AFG1L: variants seen among roughly 807,000 people sequenced by gnomAD.
AFG1L encodes the protein AFG1-like ATPase.
AFG1L carries 53 observed loss-of-function variants against 62.2 expected under a neutral mutation model. That is an observed-to-expected ratio of 0.85 (90% confidence interval 0.68 to 1.07). The LOEUF (loss-of-function observed/expected upper bound fraction) is 1.07, where lower values mean the gene tolerates loss of function less well. Ranked by LOEUF, AFG1L falls within the 50% of genes least tolerant of loss-of-function variation. The pLI, the probability that AFG1L is intolerant of heterozygous loss-of-function variation, is 0.00. For missense variants in AFG1L, 555 were observed against 590.5 expected, an observed-to-expected ratio of 0.94 and a Z score of 0.62; for synonymous variants, 228 against 210.3, an observed-to-expected ratio of 1.08 and a Z score of -0.73.
chr6:108,325,720 A>C (rs1291061647), intron 2 of AFG1L, among the ~76,000 whole-genome samples: 1 of 152,084 alleles, frequency 6.6e-6, no homozygotes, highest in Non-Finnish European at 1.5e-5. Context: ...TCCTGACCTC[A>C]GGTGATCCGC....
intron 7 of AFG1L, among the ~76,000 whole-genome samples, chr6:108,442,573 T>C (rs1380635140): frequency 6.6e-6 from 1 of 152,148 alleles, no homozygotes; most frequent in Non-Finnish European, 1.5e-5. Flanking sequence ...GCCATGACTT[T>C]TGCTAGTTTT....
chr6:108,513,559 A>T (rs759695809), intron 11 of AFG1L, among the ~76,000 whole-genome samples: 1 of 152,190 alleles, frequency 6.6e-6, no homozygotes, highest in African/African-American at 2.4e-5. Flanking sequence ...GGCAGCGAGG[A>T]TGGTGGAGGG....
chr6:108,514,231 T>A (rs998167332), intron 11 of AFG1L, among the ~76,000 whole-genome samples: 5 of 152,078 alleles, frequency 3.3e-5, no homozygotes, highest in Non-Finnish European at 5.9e-5. Context: ...GGAAGGCAGC[T>A]CCTCGCTAGC....
chr6:108,490,113 C>T (rs1353477717), intron 10 of AFG1L, among the ~76,000 whole-genome samples: 2 of 152,202 alleles, frequency 1.3e-5, no homozygotes, highest in Non-Finnish European at 2.9e-5. Flanking sequence ...GTAATCCCAG[C>T]ACTTTGGGAG....
At chr6:108,390,099 ACTTCT>A (rs983157086) in intron 6 of AFG1L, among the ~76,000 whole-genome samples, 2 of 151,628 alleles carry the variant, frequency 1.3e-5, no homozygotes, top group African/African-American at 2.4e-5. Context: ...TTTTCTCTAA[ACTTCT>A]CTTCTCGCTT....
chr6:108,394,736 T>C (rs1781216940), intron 6 of AFG1L, among the ~76,000 whole-genome samples: 1 of 152,228 alleles, frequency 6.6e-6, no homozygotes, highest in Admixed American at 6.5e-5. Context: ...ATGATGGATA[T>C]TTAGATTTCT....
intron 6 of AFG1L, 92 bp from the exon 7 acceptor site, chr6:108,401,903 TA>T (rs1562136015): frequency 3.4e-6 from 2 of 596,048 alleles, no homozygotes; most frequent in African/African-American, 4.0e-5. Context: ...TCTTTTTTTT[TA>T]ATCAGTAGAA....
At chr6:108,409,554 G>A (rs1441837368) in intron 7 of AFG1L, among the ~76,000 whole-genome samples, 1 of 152,082 alleles carries the variant, frequency 6.6e-6, no homozygotes, top group Non-Finnish European at 1.5e-5. Flanking sequence ...AATTTTTCAG[G>A]TAAAATTTTC....
At chr6:108,353,325 T>A (rs1420393838) in intron 3 of AFG1L, among the ~76,000 whole-genome samples, 1 of 152,012 alleles carries the variant, frequency 6.6e-6, no homozygotes, top group Non-Finnish European at 1.5e-5. Context: ...TGGCTAATAT[T>A]TTAAATTTTT....
At chr6:108,509,075 C>T (rs2114894705) in intron 10 of AFG1L, among the ~76,000 whole-genome samples, 1 of 152,332 alleles carries the variant, frequency 6.6e-6, no homozygotes, top group South Asian at 2.1e-4. Context: ...TGGTTTGCTG[C>T]TCACAGAGTA....
chr6:108,439,200 G>A (rs749562694), intron 7 of AFG1L, among the ~76,000 whole-genome samples: 9 of 152,138 alleles, frequency 5.9e-5, no homozygotes, highest in Non-Finnish European at 1.0e-4. Flanking sequence ...GTCTATGATC[G>A]AGAGAAGAAA....
intron 7 of AFG1L, among the ~76,000 whole-genome samples, chr6:108,435,828 C>T (rs1381722483): frequency 6.6e-6 from 1 of 152,180 alleles, no homozygotes; most frequent in Non-Finnish European, 1.5e-5. Context: ...AGGGACTGCA[C>T]TGGTTGGCTT....
chr6:108,447,423 T>C (rs903593311), intron 8 of AFG1L, 127 bp downstream of exon 8: 1 of 568,780 alleles, frequency 1.8e-6, no homozygotes, highest in Non-Finnish European at 3.1e-6. Context: ...AAATTGCAAA[T>C]GTTCTCATGT....
At chr6:108,354,898 T>A (rs1047448749) in intron 3 of AFG1L, among the ~76,000 whole-genome samples, 5 of 152,206 alleles carry the variant, frequency 3.3e-5, no homozygotes, top group African/African-American at 1.2e-4. Context: ...ATTAAAAGTT[T>A]TAGAGTGTTG....
At chr6:108,477,144 T>G (rs1773136728) in intron 9 of AFG1L, 48 bp from the exon 10 acceptor site, 3 of 1,257,520 alleles carry the variant, frequency 2.4e-6, no homozygotes, top group Non-Finnish European at 3.4e-6. Context: ...AGATGAATTT[T>G]ATAGTAATTA....
At chr6:108,377,214 C>T (rs573603502) in intron 6 of AFG1L, among the ~76,000 whole-genome samples, 7 of 151,990 alleles carry the variant, frequency 4.6e-5, no homozygotes, top group African/African-American at 1.7e-4. Flanking sequence ...CCACTCTTTG[C>T]CTTGTAAGTG....
At chr6:108,400,695 ATATATTATTATATATATTTAATATATAT>A (rs1320873467) in intron 6 of AFG1L, among the ~76,000 whole-genome samples, 1 of 96,922 alleles carries the variant, frequency 1.0e-5, no homozygotes, top group Non-Finnish European at 2.1e-5. Context: ...ATAATTATAT[ATATATTATTATATATATTTAATATATAT>A]TATATATAAT....
chr6:108,336,589 A>G (rs1489390018), intron 2 of AFG1L, among the ~76,000 whole-genome samples: 1 of 152,238 alleles, frequency 6.6e-6, no homozygotes, highest in Non-Finnish European at 1.5e-5. Context: ...AGTTTGCAGT[A>G]AAGGAATAGT....
intron 12 of AFG1L, chr6:108,521,185 TA>T (rs1775111083): frequency 6.6e-6 from 1 of 152,164 alleles, no homozygotes; most frequent in African/African-American, 2.4e-5. Flanking sequence ...CATTGGCTCT[TA>T]AAACTTTTTT....
Sources: gnomAD v4.1 joint callset for allele counts (sites outside exome capture counted in the v4.1 genomes callset) on GRCh38, gnomAD v4.1.1 for gene constraint, MANE v1.5 for transcripts, NCBI Gene and HGNC (gene_info 2026-07-23, HGNC 2026-07-21) for gene names.